Variants in DAB1 observed in about 807,000 individuals in gnomAD.
The protein encoded by DAB1 is DAB adaptor protein 1, also known as disabled homolog 1.
Under a neutral mutation model 64.6 loss-of-function variants are expected in DAB1, and 15 were observed. That is an observed-to-expected ratio of 0.23 (90% CI 0.16 to 0.36). DAB1 has a LOEUF of 0.36. DAB1 is among the 10% of genes least tolerant of loss of function. DAB1 has a pLI of 1.00. For synonymous variants in DAB1, 235 were observed against 251.9 expected (o/e 0.93, Z 0.64); for missense variants, 596 against 706.7 (o/e 0.84, Z 1.78).
At chr1:58,407,498 G>A (rs1332957827) in intron 3 of DAB1, among the ~76,000 whole-genome samples, 1 of 152,194 alleles carries the variant, frequency 6.6e-6, no homozygotes, top group Non-Finnish European at 1.5e-5. Flanking sequence ...AGGCAATGCT[G>A]AAAATATTTT....
At chr1:57,636,314 G>A (rs547951148) in intron 7 of DAB1, among the ~76,000 whole-genome samples, 2 of 152,056 alleles carry the variant, frequency 1.3e-5, no homozygotes, top group Non-Finnish European at 2.9e-5. Flanking sequence ...CCAGAATTGT[G>A]AGAAAATAAA....
chr1:57,529,106 A>G (rs1644630598), intron 7 of DAB1, among the ~76,000 whole-genome samples: 1 of 141,970 alleles, frequency 7.0e-6, no homozygotes, highest in Non-Finnish European at 1.5e-5. Context: ...AGAATTATAC[A>G]ATTACTGAGT....
intron 3 of DAB1, among the ~76,000 whole-genome samples, chr1:58,438,511 G>A (rs1644970086): frequency 6.6e-6 from 1 of 152,154 alleles, no homozygotes; most frequent in South Asian, 2.1e-4. Context: ...CTAAAAGAAG[G>A]CCAGCATGCT....
At chr1:58,059,471 T>C (rs993806532) in intron 5 of DAB1, among the ~76,000 whole-genome samples, 1 of 152,258 alleles carries the variant, frequency 6.6e-6, no homozygotes, top group African/African-American at 2.4e-5. Flanking sequence ...AATTCTGTTA[T>C]TAGTGTTGTT....
intron 7 of DAB1, among the ~76,000 whole-genome samples, chr1:57,618,703 T>A (rs1645819191): frequency 6.6e-6 from 1 of 151,704 alleles, no homozygotes; most frequent in South Asian, 2.1e-4. Context: ...TAATGTTTTT[T>A]AAGAATATTA....
At chr1:57,282,625 C>T (rs1672007565) in intron 2 of DAB1, among the ~76,000 whole-genome samples, 1 of 152,020 alleles carries the variant, frequency 6.6e-6, no homozygotes. Flanking sequence ...ACCGTGTGAC[C>T]ACAGAGAATA....
chr1:57,673,113 G>T (rs1348195152), intron 6 of DAB1, among the ~76,000 whole-genome samples: 4 of 152,086 alleles, frequency 2.6e-5, no homozygotes, highest in African/African-American at 9.7e-5. Flanking sequence ...CAAGGTGCTG[G>T]CAAATTAGGT....
At chr1:57,248,904 G>C (rs974188411) in intron 2 of DAB1, among the ~76,000 whole-genome samples, 2 of 152,172 alleles carry the variant, frequency 1.3e-5, no homozygotes, top group Non-Finnish European at 2.9e-5. Flanking sequence ...GTCCCTTGCA[G>C]TTGCAGCATT....
intron 5 of DAB1, among the ~76,000 whole-genome samples, chr1:58,071,118 T>A (rs1404125184): frequency 2.0e-5 from 3 of 152,098 alleles, no homozygotes; most frequent in Non-Finnish European, 4.4e-5. Flanking sequence ...GATGGGCCTT[T>A]TCAGAGGCTT....
At chr1:58,329,521 G>C (rs1304447146) in intron 4 of DAB1, among the ~76,000 whole-genome samples, 1 of 152,138 alleles carries the variant, frequency 6.6e-6, no homozygotes, top group Non-Finnish European at 1.5e-5. Flanking sequence ...CCTAATATCT[G>C]AGACATAATG....
At chr1:58,104,993 T>C (rs1318052487) in intron 5 of DAB1, among the ~76,000 whole-genome samples, 1 of 152,222 alleles carries the variant, frequency 6.6e-6, no homozygotes, top group Non-Finnish European at 1.5e-5. Flanking sequence ...TGAATTGGCC[T>C]GTTTGTATTC....
chr1:58,077,764 C>T (rs12723380), intron 5 of DAB1, among the ~76,000 whole-genome samples: 16,301 of 152,110 alleles, frequency 0.11, 1,172 homozygotes, highest in Non-Finnish European at 0.17. Flanking sequence ...CTGGGGAGCA[C>T]GTTCCCCTCA....
chr1:58,261,706 G>A (rs996335127), intron 4 of DAB1, among the ~76,000 whole-genome samples: 3 of 151,196 alleles, frequency 2.0e-5, no homozygotes, highest in African/African-American at 4.9e-5. Context: ...AGATCAATTT[G>A]TTTTTTTGTT....
intron 1 of DAB1, among the ~76,000 whole-genome samples, chr1:57,397,083 C>G (rs1682872739): frequency 6.6e-6 from 1 of 152,112 alleles, no homozygotes; most frequent in Non-Finnish European, 1.5e-5. Flanking sequence ...CCTTAGAAAC[C>G]ATTTTATCCA....
chr1:57,919,830 T>C (rs928988291), intron 5 of DAB1, among the ~76,000 whole-genome samples: 1 of 152,202 alleles, frequency 6.6e-6, no homozygotes, highest in Non-Finnish European at 1.5e-5. Flanking sequence ...ATCTCAACAT[T>C]ATGTGCATGG....
chr1:57,820,942 T>A (rs1233981261), intron 6 of DAB1, among the ~76,000 whole-genome samples: 2 of 152,190 alleles, frequency 1.3e-5, no homozygotes, highest in African/African-American at 4.8e-5. Flanking sequence ...CCTAAATCCA[T>A]GTTCATTTCT....
intron 4 of DAB1, among the ~76,000 whole-genome samples, chr1:57,120,894 T>C (rs2100751334): frequency 6.6e-6 from 1 of 152,196 alleles, no homozygotes; most frequent in African/African-American, 2.4e-5. Context: ...TACAGCACAT[T>C]TAATAAGCAC....
chr1:58,430,966 C>T (rs1029355498), intron 3 of DAB1, among the ~76,000 whole-genome samples: 9 of 152,154 alleles, frequency 5.9e-5, no homozygotes, highest in African/African-American at 2.2e-4. Flanking sequence ...TTAGCATTCC[C>T]GGCTTTAACA....
chr1:58,531,972 G>A (rs1431557990), intron 1 of DAB1, among the ~76,000 whole-genome samples: 1 of 152,088 alleles, frequency 6.6e-6, no homozygotes, highest in Non-Finnish European at 1.5e-5. Context: ...CTCCCAAAGT[G>A]CTGGGATTAC....
Sources: gnomAD v4.1 joint callset for allele counts (sites outside exome capture counted in the v4.1 genomes callset) on GRCh38, gnomAD v4.1.1 for gene constraint, MANE v1.5 for transcripts, NCBI Gene and HGNC (gene_info 2026-07-23, HGNC 2026-07-21) for gene names.